ORC6: variants seen among roughly 807,000 people sequenced by gnomAD.
ORC6 encodes the protein origin recognition complex subunit 6, also known as origin recognition complex, subunit 6 homolog-like (yeast).
In ORC6, 31 loss-of-function variants were observed where a neutral mutation model predicts 30.0. The observed-to-expected ratio is 1.03, with a 90% CI of 0.78 to 1.40. The LOEUF is 1.40. ORC6 is among the 40% of genes most tolerant of loss of function. The pLI, the probability that ORC6 is intolerant of heterozygous loss-of-function variation, is 0.00. For synonymous variants in ORC6, 136 were observed against 111.2 expected (o/e 1.22, Z -1.40); for missense variants, 340 against 304.3 (o/e 1.12, Z -0.87).
At chr16:46,695,444 A>G in intron 4 of ORC6, 118 bp from the exon 5 acceptor site, 1 of 697,066 alleles carries the variant, frequency 1.4e-6, no homozygotes, top group South Asian at 1.6e-5. Flanking sequence ...ATGAAGGAAA[A>G]AAACTAGACA....
Position 46,697,733 on chromosome 16 carries a change from C to A in ORC6, c.*148C>A. 1.1e-6 allele frequency: 1 copy of A among 888,004 alleles called. No homozygotes were observed. The highest frequency in any genetic ancestry group is 1.8e-6 in the Non-Finnish European group (1 of 546,830). The allele number at this position is 888,004 out of a possible 1,614,324, so 55.0% of individuals were successfully genotyped here. ...AATAGCAAAGCAGCCTACCTGGAGGCTAAGTCTGGGCAGTGGGCTGGCCCC... is the reference window on the plus strand; with the variant it reads ...AATAGCAAAGCAGCCTACCTGGAGGATAAGTCTGGGCAGTGGGCTGGCCCC... On this transcript the variant is annotated 3_prime_UTR_variant, in exon 7 of 7. Coordinates refer to ENST00000219097, the MANE Select transcript of ORC6 (RefSeq NM_014321.4).
chr16:46,691,950 A>ACTCTCTCT (rs1596733688), intron 2 of ORC6, among the ~76,000 whole-genome samples: 1 of 10,180 alleles, frequency 9.8e-5, no homozygotes, highest in African/African-American at 2.2e-4. Flanking sequence ...ACACACACAC[A>ACTCTCTCT]CACACACACT....
At position 46,697,952 on chromosome 16, in the gene ORC6, T is replaced by TA. The variant is rs753209575; in HGVS notation, c.*372dup. ...CAACATGGTGAAACCCCATCTCTAC[T>TA]AAAAATACAAAAATTAGCCAGGTGT... On this transcript the variant is annotated 3_prime_UTR_variant, in exon 7 of 7. Transcript: ENST00000219097. 3.2e-5 allele frequency: 14 copies of TA among 441,600 alleles called. No homozygotes were observed. The highest frequency in any genetic ancestry group is 9.6e-5 in the Admixed American group (4 of 41,596). The allele number at this position is 441,600 out of a possible 1,614,324, so 27.4% of individuals were successfully genotyped here. A position where few individuals can be genotyped will look rare whatever the true frequency, so the allele number is the denominator to read the frequency against.
At chr16:46,690,382 C>T in intron 1 of ORC6, among the ~76,000 whole-genome samples, 1 of 152,160 alleles carries the variant, frequency 6.6e-6, no homozygotes, top group East Asian at 1.9e-4. Flanking sequence ...GCCATTGTAG[C>T]TAAAACGTGG....
rs1021676843 is a variant in ORC6 at position 46,689,702 on chromosome 16, C to T, written c.-4C>T. 1.0e-5 allele frequency: 16 copies of T among 1,599,254 alleles called. No individual in the cohort carries two copies. The highest frequency in any genetic ancestry group is 6.7e-5 in the South Asian group (6 of 88,950). On this transcript the variant is annotated 5_prime_UTR_variant, in exon 1 of 7. Coordinates refer to ENST00000219097, the MANE Select transcript of ORC6 (RefSeq NM_014321.4). ...CGGGAATTGTTCGCTTTAGTGCCGGCGCCATGGGGTCGGAGCTGATCGGGC... is the reference window on the plus strand; with the variant it reads ...CGGGAATTGTTCGCTTTAGTGCCGGTGCCATGGGGTCGGAGCTGATCGGGC...
chr16:46,694,638 G>GC (rs1966499598), intron 4 of ORC6: 1 of 148,700 alleles, frequency 6.7e-6, no homozygotes, highest in South Asian at 2.1e-4. Flanking sequence ...CGGGCGGGGG[G>GC]CTGACCCCCC....
chr16:46,694,037 T>G (rs1966486286), intron 4 of ORC6: 1 of 54,524 alleles, frequency 1.8e-5, no homozygotes. Flanking sequence ...CCTGATTACT[T>G]GAGATTAGGG....
rs1318829556 is a variant in ORC6 at position 46,695,759 on chromosome 16, C to T, written c.562+85C>T. Reference sequence around the variant, plus strand: ...AGTCAAATATTTTCAAATATGTAAACTGGCTGCTTCCTAAATTCCGTATTA... The same window carrying T: ...AGTCAAATATTTTCAAATATGTAAATTGGCTGCTTCCTAAATTCCGTATTA... On this transcript the variant is annotated intron_variant, in intron 5 of 6. Coordinates refer to ENST00000219097, the MANE Select transcript of ORC6 (RefSeq NM_014321.4). 4 of 899,872 alleles carry T rather than the reference C, an allele frequency of 4.4e-6. No homozygotes were observed. The Admixed American group carries it at 7.7e-5, about 17-fold the overall frequency. 55.7% of individuals were successfully genotyped at this position (899,872 alleles called of 1,614,324 possible). A position where few individuals can be genotyped will look rare whatever the true frequency, so the allele number is the denominator to read the frequency against.
intron 4 of ORC6, 36 bp downstream of exon 4, chr16:46,693,218 A>C (rs769820134): frequency 1.4e-6 from 2 of 1,387,000 alleles, no homozygotes; most frequent in South Asian, 1.2e-5. Flanking sequence ...AAAGTTACCA[A>C]TTTACAAGTG....
chr16:46,696,230 AG>A, intron 6 of ORC6, 145 bp downstream of exon 6: 1 of 697,638 alleles, frequency 1.4e-6, no homozygotes, highest in South Asian at 1.5e-5. Flanking sequence ...CCAAGCAATC[AG>A]TAATGGAAGT....
intron 2 of ORC6, among the ~76,000 whole-genome samples, chr16:46,692,056 G>A (rs1192355717): frequency 6.7e-6 from 1 of 150,178 alleles, no homozygotes; most frequent in South Asian, 2.1e-4. Flanking sequence ...TAGCACCTTT[G>A]TATAAACACA....
At position 46,692,570 on chromosome 16, in the gene ORC6, T is replaced by C. The variant is rs375110765; in HGVS notation, c.359+25T>C. On this transcript the variant is annotated intron_variant, in intron 3 of 6. Transcript: ENST00000219097. ...GGTATGGGGCATAGAGAACCTTAAT[T>C]GAAAATGTATACCAATAGGCCGGGC... 6.9e-6 allele frequency: 11 copies of C among 1,603,056 alleles called. No individual in the cohort carries two copies. In the African/African-American group the frequency reaches 1.3e-4, roughly 20 times the overall value.
Position 46,698,167 on chromosome 16 carries a change from A to AGATAGATGGATAGATG in ORC6, c.*589_*590insGGATAGATGGATAGAT, listed in dbSNP as rs1555468047. On this transcript the variant is annotated 3_prime_UTR_variant, in exon 7 of 7. Transcript: ENST00000219097. ...GGGTGACAGAGCGAGACTTATAGAT[A>AGATAGATGGATAGATG]GATAGATAGATAGATGGATAGATAG... The AGATAGATGGATAGATG allele has an allele frequency of 2.2e-5, 9 of 402,388 alleles. No individual in the cohort carries two copies. In the East Asian group the frequency reaches 5.8e-4, roughly 26 times the overall value. 24.9% of individuals were successfully genotyped at this position (402,388 alleles called of 1,614,324 possible).
At chr16:46,695,719 C>A (rs2143011028) in intron 5 of ORC6, 45 bp downstream of exon 5, 1 of 1,285,582 alleles carries the variant, frequency 7.8e-7, no homozygotes, top group South Asian at 1.2e-5. Flanking sequence ...AAAATGTAGT[C>A]CTTTTGCTTG....
chr16:46,696,646 A>G (rs527975946), intron 6 of ORC6, among the ~76,000 whole-genome samples: 21 of 151,512 alleles, frequency 1.4e-4, no homozygotes, highest in Non-Finnish European at 2.5e-4. Context: ...TGTTTGTTTG[A>G]TTTTGGTTTT....
intron 4 of ORC6, chr16:46,695,060 T>G (rs1271030738): frequency 5.8e-6 from 1 of 171,098 alleles, no homozygotes; most frequent in East Asian, 1.7e-4. Context: ...TAGTCAACTC[T>G]ACTTTTGAAA....
At chr16:46,697,042 G>A (rs543660018) in intron 6 of ORC6, among the ~76,000 whole-genome samples, 6 of 152,262 alleles carry the variant, frequency 3.9e-5, no homozygotes, top group African/African-American at 7.2e-5. Flanking sequence ...CACCTATTAC[G>A]GAGTGTAGTA....
chr16:46,695,474 C>A, intron 4 of ORC6, 88 bp from the exon 5 acceptor site: 1 of 820,528 alleles, frequency 1.2e-6, no homozygotes, highest in Non-Finnish European at 2.1e-6. Flanking sequence ...GAAGCATGGT[C>A]AAAAAGAAAA....
Position 46,691,000 on chromosome 16 carries a change from G to A in ORC6, c.75G>A (p.Glu25=), listed in dbSNP as rs1307520933. 5 of 1,614,104 alleles carry A rather than the reference G, an allele frequency of 3.1e-6. No individual in the cohort carries two copies. The highest frequency in any genetic ancestry group is 4.2e-6 in the Non-Finnish European group (5 of 1,180,034). Residue 25 remains glutamate, a synonymous_variant, in exon 2 of 7, where the codon GAG becomes GAA. Transcript: ENST00000219097. ...LAEPDMLRKA[E]EYLRLSRVKC... ...CTGCCCTTTTAACCAGGAAAGCAGA[G>A]GAGTACTTGCGCCTGTCCCGGGTGA...
Sources: gnomAD v4.1 joint callset for allele counts (sites outside exome capture counted in the v4.1 genomes callset) on GRCh38, gnomAD v4.1.1 for gene constraint, MANE v1.5 for transcripts, NCBI Gene and HGNC (gene_info 2026-07-23, HGNC 2026-07-21) for gene names.